The following BRINP2 variants were observed in gnomAD, a reference collection of about 807,000 sequenced individuals.
The protein encoded by BRINP2 is BMP/retinoic acid-inducible neural-specific protein 2.
Under a neutral mutation model 69.2 loss-of-function variants are expected in BRINP2, and 21 were observed. That is an observed-to-expected ratio of 0.30 (90% CI 0.22 to 0.44). BRINP2 has a LOEUF of 0.44. BRINP2 is among the 20% of genes least tolerant of loss of function. The pLI is 1.00. For missense variants in BRINP2, 877 were observed against 986.0 expected, an observed-to-expected ratio of 0.89 and a Z score of 1.48; for synonymous variants, 380 against 394.1, an observed-to-expected ratio of 0.96 and a Z score of 0.42.
At chr1:177,172,374 C>T (rs1440610697) in intron 1 of BRINP2, among the ~76,000 whole-genome samples, 1 of 152,182 alleles carries the variant, frequency 6.6e-6, no homozygotes, top group Non-Finnish European at 1.5e-5. Context: ...GTGGGATGTG[C>T]TGGTATCATC....
At position 177,232,969 on chromosome 1, in the gene BRINP2, AG is replaced by A. The variant is rs547778171; in HGVS notation, c.269+2829del. The stretch of plus-strand genomic sequence containing the variant: ...TAGAGAATAATAAACCTATGATTCA[AG>A]GGGGTCAGTATATTTGGTGCAGAAT... On this transcript the variant is annotated intron_variant, in intron 2 of 7. Coordinates refer to ENST00000361539, the MANE Select transcript of BRINP2 (RefSeq NM_021165.4). Among the ~76,000 whole-genome samples, 47 of 152,330 alleles carry A rather than the reference AG, an allele frequency of 3.1e-4. No individual in the cohort carries two copies. The South Asian group carries it at 8.5e-3, about 28-fold the overall frequency.
rs143766904 is a variant in BRINP2, at chr1:177,280,603, G to A, written c.1427G>A (p.Arg476His). ...CAHCAPDNST[R>H]CGSCNPGYVL... ...CACTGTGCTCCAGACAATAGCACAC[G>A]CTGTGGGAGCTGCAACCCGGGCTAT... Residue 476 changes from arginine (R) to histidine (H), a missense_variant, in exon 8 of 8, where the codon CGC becomes CAC. Arg to His is a conservative substitution (Grantham distance 29). This residue lies in a region of BRINP2 where 566 missense variants were observed against 625.2 expected (regional missense o/e 0.91). Transcript: ENST00000361539. 2.9e-4 allele frequency: 476 copies of A among 1,614,134 alleles called. 1 individual carries two copies. The highest frequency in any genetic ancestry group is 1.4e-3 in the South Asian group (132 of 91,074).
intron 1 of BRINP2, among the ~76,000 whole-genome samples, chr1:177,214,315 C>T (rs1241763618): frequency 6.6e-6 from 1 of 152,086 alleles, no homozygotes; most frequent in Non-Finnish European, 1.5e-5. Context: ...AGCCTGTAAT[C>T]CCAGCTACTC....
intron 1 of BRINP2, among the ~76,000 whole-genome samples, chr1:177,204,470 G>A (rs1649012165): frequency 6.6e-6 from 1 of 151,454 alleles, no homozygotes; most frequent in African/African-American, 2.4e-5. Context: ...TATAAGGAGT[G>A]GCCACAGAAC....
At chr1:177,247,739 G>T (rs1650429064) in intron 2 of BRINP2, among the ~76,000 whole-genome samples, 1 of 152,192 alleles carries the variant, frequency 6.6e-6, no homozygotes, top group African/African-American at 2.4e-5. Context: ...TTGCAAAATG[G>T]GTTCCGTGGC....
At position 177,267,060 on chromosome 1, in the gene BRINP2, T is replaced by G. The variant is rs369699471; in HGVS notation, c.670-6428T>G. Among the ~76,000 whole-genome samples the G allele has an allele frequency of 2.6e-5, 4 of 152,204 alleles. No individual in the cohort carries two copies. The South Asian group carries it at 8.3e-4, about 32-fold the overall frequency. ...TTTGTTGAATTAATGAATGAGTCCC[T>G]GGACATGGCATTTTCCACATAGATT... On this transcript the variant is annotated intron_variant, in intron 4 of 7. Coordinates refer to ENST00000361539, the MANE Select transcript of BRINP2 (RefSeq NM_021165.4).
At chr1:177,183,788 T>C (rs1648336706) in intron 1 of BRINP2, among the ~76,000 whole-genome samples, 1 of 152,220 alleles carries the variant, frequency 6.6e-6, no homozygotes, top group African/African-American at 2.4e-5. Flanking sequence ...ACATGAATGA[T>C]TTTTGAACTT....
At chr1:177,197,821 A>G (rs1359529345) in intron 1 of BRINP2, among the ~76,000 whole-genome samples, 1 of 152,192 alleles carries the variant, frequency 6.6e-6, no homozygotes, top group East Asian at 1.9e-4. Flanking sequence ...TTGGATGAAG[A>G]GCAGGTGATC....
At chr1:177,254,427 G>A (rs954841931) in intron 2 of BRINP2, among the ~76,000 whole-genome samples, 7 of 151,008 alleles carry the variant, frequency 4.6e-5, no homozygotes, top group African/African-American at 1.7e-4. Flanking sequence ...ACTTAAGAAT[G>A]TCCTTAAAGC....
chr1:177,280,178 C>A (rs1651644938), intron 7 of BRINP2, among the ~76,000 whole-genome samples: 1 of 152,134 alleles, frequency 6.6e-6, no homozygotes, highest in Non-Finnish European at 1.5e-5. Flanking sequence ...TTGTTGCTCT[C>A]AGTACAAATT....
In BRINP2 at chr1:177,221,762, C is replaced by T. The variant is rs575098077; in HGVS notation, c.-76-8039C>T. On this transcript the variant is annotated intron_variant, in intron 1 of 7. Transcript: ENST00000361539. ...TAATCTCCAGGATCCCATCCCTTCT[C>T]CCCAGTTCCAGGACACGATCAGGTG... 2.0e-5 allele frequency among the ~76,000 whole-genome samples: 3 copies of T among 152,266 alleles called. No homozygotes were observed. The East Asian group carries it at 5.8e-4, about 29-fold the overall frequency.
intron 1 of BRINP2, among the ~76,000 whole-genome samples, chr1:177,228,838 G>A (rs1649779181): frequency 6.6e-6 from 1 of 152,188 alleles, no homozygotes; most frequent in Admixed American, 6.5e-5. Context: ...CTGGAAATCA[G>A]AGACCTGTGG....
At chr1:177,208,541 T>G (rs892482876) in intron 1 of BRINP2, among the ~76,000 whole-genome samples, 1 of 152,200 alleles carries the variant, frequency 6.6e-6, no homozygotes, top group Admixed American at 6.5e-5. Flanking sequence ...GCATCCCAGG[T>G]GCTGAATCTG....
At chr1:177,187,914 G>C (rs1436681725) in intron 1 of BRINP2, among the ~76,000 whole-genome samples, 1 of 152,216 alleles carries the variant, frequency 6.6e-6, no homozygotes, top group African/African-American at 2.4e-5. Context: ...TCTGGAGTGA[G>C]AGAGTCTTGA....
chr1:177,222,052 G>A (rs1299117711), intron 1 of BRINP2, among the ~76,000 whole-genome samples: 1 of 152,142 alleles, frequency 6.6e-6, no homozygotes, highest in Non-Finnish European at 1.5e-5. Flanking sequence ...TAGGGATGGG[G>A]GACTGGTGAG....
At chr1:177,193,031 C>T (rs112100650) in intron 1 of BRINP2, among the ~76,000 whole-genome samples, 41 of 152,294 alleles carry the variant, frequency 2.7e-4, no homozygotes, top group African/African-American at 9.4e-4. Flanking sequence ...AAACCACTAC[C>T]CATGAGGGGT....
chr1:177,212,634 C>A (rs1309956652), intron 1 of BRINP2, among the ~76,000 whole-genome samples: 1 of 152,110 alleles, frequency 6.6e-6, no homozygotes, highest in Non-Finnish European at 1.5e-5. Flanking sequence ...TATTTGTGAG[C>A]TAATCCTATC....
intron 5 of BRINP2, among the ~76,000 whole-genome samples, chr1:177,273,807 T>C (rs1651411069): frequency 6.6e-6 from 1 of 152,198 alleles, no homozygotes; most frequent in African/African-American, 2.4e-5. Context: ...CCAGACCCAT[T>C]GCTTATATCA....
At chr1:177,178,853 C>T (rs1648164595) in intron 1 of BRINP2, among the ~76,000 whole-genome samples, 1 of 152,160 alleles carries the variant, frequency 6.6e-6, no homozygotes, top group Admixed American at 6.5e-5. Flanking sequence ...TGCTTCCATT[C>T]TAGACAGAAG....
Sources: gnomAD v4.1 joint callset for allele counts (sites outside exome capture counted in the v4.1 genomes callset) on GRCh38, gnomAD v4.1.1 for gene constraint, gnomAD v4.1.1 regional missense constraint, MANE v1.5 for transcripts, NCBI Gene and HGNC (gene_info 2026-07-23, HGNC 2026-07-21) for gene names.